NFIB: variants seen among roughly 807,000 people sequenced by gnomAD.
The protein encoded by NFIB is nuclear factor 1 B-type.
NFIB carries 11 observed loss-of-function variants against 61.5 expected under a neutral mutation model. The ratio of observed to expected loss-of-function variants is 0.18; its 90% confidence interval spans 0.11 to 0.30. NFIB has a LOEUF of 0.30. Among genes scored for constraint, NFIB ranks in the 10% least tolerant of loss-of-function variants. The pLI, the probability that NFIB is intolerant of heterozygous loss-of-function variation, is 1.00. For missense variants in NFIB, 471 were observed against 608.9 expected, an observed-to-expected ratio of 0.77 and a Z score of 2.38; for synonymous variants, 260 against 216.5, an observed-to-expected ratio of 1.20 and a Z score of -1.76.
chr9:14,498,925 C>A, the NFIB span, among the ~76,000 whole-genome samples: 1 of 151,794 alleles, frequency 6.6e-6, no homozygotes, highest in Admixed American at 6.6e-5. Context: ...ATTAAGTGAT[C>A]AAGATGGGGT....
chr9:14,223,758 T>C (rs899816596), intron 2 of NFIB, among the ~76,000 whole-genome samples: 5 of 152,192 alleles, frequency 3.3e-5, no homozygotes, highest in African/African-American at 1.2e-4. Context: ...TCTAGCTCAA[T>C]TCCTCTAAAT....
chr9:14,161,213 T>G (rs781186047), intron 3 of NFIB, among the ~76,000 whole-genome samples: 7 of 152,188 alleles, frequency 4.6e-5, no homozygotes, highest in Non-Finnish European at 5.9e-5. Context: ...CTATCCATGG[T>G]TAAAGCTAAA....
the NFIB span, among the ~76,000 whole-genome samples, chr9:14,519,012 T>C: frequency 6.6e-6 from 1 of 152,146 alleles, no homozygotes; most frequent in South Asian, 2.1e-4. Context: ...GGTGAAATCA[T>C]CTTTGATGGG....
chr9:14,528,312 T>C, the NFIB span, among the ~76,000 whole-genome samples: 1 of 152,142 alleles, frequency 6.6e-6, no homozygotes, highest in Admixed American at 6.5e-5. Context: ...CAAAATAAGA[T>C]TATGTGAGGG....
intron 2 of NFIB, among the ~76,000 whole-genome samples, chr9:14,230,852 T>A (rs2053043508): frequency 6.6e-6 from 1 of 151,900 alleles, no homozygotes. Flanking sequence ...TTGGAGACAT[T>A]TTTCCTGAGA....
the NFIB span, among the ~76,000 whole-genome samples, chr9:14,501,533 A>T: frequency 6.6e-6 from 1 of 152,224 alleles, no homozygotes; most frequent in Admixed American, 6.5e-5. Context: ...CCTATTTCAC[A>T]GGTTAATTGT....
At chr9:14,267,563 A>T (rs1482037175) in intron 2 of NFIB, among the ~76,000 whole-genome samples, 4 of 151,950 alleles carry the variant, frequency 2.6e-5, no homozygotes, top group South Asian at 2.1e-4. Context: ...GCCAACAAAG[A>T]CCCCCATACC....
chr9:14,371,779 A>T (rs150097258), intron 1 of NFIB, among the ~76,000 whole-genome samples: 96 of 152,308 alleles, frequency 6.3e-4, no homozygotes, highest in African/African-American at 1.9e-3. Flanking sequence ...CAGTGACTCC[A>T]TCAATTCCTA....
the NFIB span, among the ~76,000 whole-genome samples, chr9:14,465,606 C>G: frequency 6.6e-6 from 1 of 151,270 alleles, no homozygotes; most frequent in Non-Finnish European, 1.5e-5. Context: ...CACACACACA[C>G]ACGCCCTACC....
chr9:14,274,676 G>A (rs929053217), intron 2 of NFIB, among the ~76,000 whole-genome samples: 3 of 152,136 alleles, frequency 2.0e-5, no homozygotes, highest in African/African-American at 7.2e-5. Context: ...GCATTCCTGG[G>A]ATCACATTTC....
At chr9:14,093,760 T>C (rs1272772295) in intron 10 of NFIB, among the ~76,000 whole-genome samples, 1 of 152,086 alleles carries the variant, frequency 6.6e-6, no homozygotes, top group Non-Finnish European at 1.5e-5. Flanking sequence ...TGCCCTGGGT[T>C]GTACATGGGT....
intron 3 of NFIB, among the ~76,000 whole-genome samples, chr9:14,174,466 A>T (rs2045921461): frequency 6.6e-6 from 1 of 152,152 alleles, no homozygotes; most frequent in African/African-American, 2.4e-5. Flanking sequence ...ATAGACATGA[A>T]TTTATTAAGA....
rs376993769 is a variant in NFIB at position 14,179,429 on chromosome 9, C to G, written c.616+298G>C. Among the ~76,000 whole-genome samples the G allele has an allele frequency of 2.2e-4, 34 of 152,174 alleles. 2 individuals are homozygous for G. In the East Asian group the frequency reaches 5.8e-3, roughly 26 times the overall value. ...AAAGAAAGATTAAAAGGTTCATTGG[C>G]TTTTCAAACAGCAATTATTTTAGCA... On this transcript the variant is annotated intron_variant, in intron 3 of 10. Transcript: ENST00000380953.
chr9:14,486,770 G>T, the NFIB span, among the ~76,000 whole-genome samples: 1 of 152,080 alleles, frequency 6.6e-6, no homozygotes, highest in East Asian at 1.9e-4. Context: ...ATTAACTGGG[G>T]TATATAGCAT....
chr9:14,194,079 T>C (rs982254225), intron 2 of NFIB, among the ~76,000 whole-genome samples: 1 of 152,288 alleles, frequency 6.6e-6, no homozygotes, highest in Non-Finnish European at 1.5e-5. Context: ...AAATACATGT[T>C]TATTATTTTT....
chr9:14,234,046 G>A (rs899425513), intron 2 of NFIB, among the ~76,000 whole-genome samples: 2 of 152,140 alleles, frequency 1.3e-5, no homozygotes, highest in African/African-American at 4.8e-5. Flanking sequence ...TACATGTCAA[G>A]GAAAGGAGAC....
chr9:14,088,296 G>C lies in NFIB; in HGVS notation c.*13C>G. On this transcript the variant is annotated 3_prime_UTR_variant, in exon 11 of 11. Coordinates refer to ENST00000380953, the MANE Select transcript of NFIB (RefSeq NM_001190737.2). The stretch of plus-strand genomic sequence containing the variant: ...AGATGGGTGTCCTATTTGACACTTG[G>C]AAAGGAACCAAGCTAGCCCAGGTAC... The C allele has an allele frequency of 6.2e-7, 1 of 1,600,274 alleles. No individual in the cohort carries two copies. The highest frequency in any genetic ancestry group is 8.5e-7 in the Non-Finnish European group (1 of 1,171,458).
intron 1 of NFIB, among the ~76,000 whole-genome samples, chr9:14,360,978 A>C (rs1283377524): frequency 1.3e-5 from 2 of 152,184 alleles, no homozygotes; most frequent in African/African-American, 4.8e-5. Flanking sequence ...CCAGGGATAG[A>C]CATATTTCAT....
At chr9:14,384,741 A>G (rs755634850) in intron 1 of NFIB, among the ~76,000 whole-genome samples, 28 of 152,160 alleles carry the variant, frequency 1.8e-4, no homozygotes, top group Non-Finnish European at 3.4e-4. Flanking sequence ...CTGAAATTCT[A>G]TTCATGGCCT....
Sources: gnomAD v4.1 joint callset for allele counts (sites outside exome capture counted in the v4.1 genomes callset) on GRCh38, gnomAD v4.1.1 for gene constraint, MANE v1.5 for transcripts, NCBI Gene and HGNC (gene_info 2026-07-23, HGNC 2026-07-21) for gene names.